The following CACNA2D3 variants were observed in gnomAD, a reference collection of about 807,000 sequenced individuals.
CACNA2D3 encodes voltage-dependent calcium channel subunit alpha-2/delta-3.
In CACNA2D3, 60 loss-of-function variants were observed where a neutral mutation model predicts 160.6. That is an observed-to-expected ratio of 0.37 (90% CI 0.30 to 0.46). CACNA2D3 has a LOEUF of 0.46. Among genes scored for constraint, CACNA2D3 ranks in the 20% least tolerant of loss-of-function variants. The pLI is 1.00. For missense variants in CACNA2D3, 1,205 were observed against 1,365.0 expected (o/e 0.88, Z 1.85); for synonymous variants, 558 against 492.9 (o/e 1.13, Z -1.75).
At chr3:54,607,182 G>A (rs1206239157) in intron 9 of CACNA2D3, among the ~76,000 whole-genome samples, 2 of 152,142 alleles carry the variant, frequency 1.3e-5, no homozygotes, top group East Asian at 1.9e-4. Context: ...CACTGTGCAA[G>A]GGAAGGACAT....
chr3:54,699,719 A>G (rs371222556), intron 11 of CACNA2D3, among the ~76,000 whole-genome samples: 18 of 152,270 alleles, frequency 1.2e-4, no homozygotes, highest in African/African-American at 4.1e-4. Context: ...TAACCACTCT[A>G]TGCCTCCGTT....
intron 27 of CACNA2D3, among the ~76,000 whole-genome samples, chr3:54,907,940 T>C (rs1700480950): frequency 6.6e-6 from 1 of 152,344 alleles, no homozygotes; most frequent in Admixed American, 6.5e-5. Flanking sequence ...TTCCCTTGTA[T>C]GGATAGACAA....
chr3:54,792,797 T>C (rs899582516), intron 13 of CACNA2D3, among the ~76,000 whole-genome samples: 1 of 152,128 alleles, frequency 6.6e-6, no homozygotes, highest in Non-Finnish European at 1.5e-5. Context: ...AGAGTTCTGA[T>C]TGGCCAGGCA....
chr3:55,067,101 C>CGGGGG (rs569501820), intron 35 of CACNA2D3, among the ~76,000 whole-genome samples: 2 of 150,430 alleles, frequency 1.3e-5, no homozygotes, highest in African/African-American at 4.9e-5. Flanking sequence ...TCTTTTGTAG[C>CGGGGG]GGGGGGGGCT....
intron 27 of CACNA2D3, among the ~76,000 whole-genome samples, chr3:54,944,226 C>T (rs1350897345): frequency 5.9e-5 from 9 of 151,942 alleles, no homozygotes; most frequent in Admixed American, 4.6e-4. Context: ...TGAGGACCTG[C>T]GAACTCTTTT....
intron 11 of CACNA2D3, among the ~76,000 whole-genome samples, chr3:54,713,319 G>C (rs1384787771): frequency 6.6e-6 from 1 of 152,166 alleles, no homozygotes; most frequent in African/African-American, 2.4e-5. Context: ...TTTGGAATTA[G>C]GTGATTCTCC....
chr3:54,251,449 GT>G (rs1559896366), intron 2 of CACNA2D3, among the ~76,000 whole-genome samples: 2 of 152,200 alleles, frequency 1.3e-5, no homozygotes, highest in Non-Finnish European at 2.9e-5. Flanking sequence ...AGATTATTTT[GT>G]TTTGAAGAAG....
chr3:54,875,711 C>T (rs1321272573), intron 18 of CACNA2D3: 1 of 152,222 alleles, frequency 6.6e-6, no homozygotes, highest in Non-Finnish European at 1.5e-5. Context: ...TGCTTCAGCA[C>T]TGCAGAAGAG....
chr3:54,223,178 T>C (rs1368602884), intron 2 of CACNA2D3, among the ~76,000 whole-genome samples: 1 of 152,206 alleles, frequency 6.6e-6, no homozygotes, highest in East Asian at 1.9e-4. Flanking sequence ...TGGGCATATG[T>C]TCTGAGAATT....
intron 2 of CACNA2D3, among the ~76,000 whole-genome samples, chr3:54,206,302 G>A (rs764205263): frequency 2.0e-5 from 3 of 152,144 alleles, no homozygotes; most frequent in Non-Finnish European, 2.9e-5. Context: ...ACTGAGAAAC[G>A]GTGGCTCTGT....
At chr3:54,229,194 AT>A (rs550039158) in intron 2 of CACNA2D3, among the ~76,000 whole-genome samples, 29,358 of 146,050 alleles carry the variant, frequency 0.2, 2,819 homozygotes, top group Middle Eastern at 0.29. Context: ...CAGCTAATTA[AT>A]TTTTTTTTTT....
chr3:54,902,854 T>G (rs1700369652), intron 27 of CACNA2D3, among the ~76,000 whole-genome samples: 1 of 152,176 alleles, frequency 6.6e-6, no homozygotes, highest in Non-Finnish European at 1.5e-5. Context: ...AATTCTTGGA[T>G]AAGAGAGAAG....
chr3:54,271,349 A>G (rs1448769088), intron 2 of CACNA2D3, among the ~76,000 whole-genome samples: 2 of 152,140 alleles, frequency 1.3e-5, no homozygotes, highest in Non-Finnish European at 2.9e-5. Context: ...CAGTCCTAGA[A>G]TCCTTTTGAC....
At chr3:54,763,557 C>T (rs576743863) in intron 12 of CACNA2D3, among the ~76,000 whole-genome samples, 22 of 150,458 alleles carry the variant, frequency 1.5e-4, no homozygotes, top group Admixed American at 1.1e-3. Flanking sequence ...TACAAAATAT[C>T]ATGTAGAAAG....
rs746939608 is a variant in CACNA2D3, at chr3:54,331,650, G to A, written c.321+11092G>A. 5.9e-5 allele frequency among the ~76,000 whole-genome samples: 9 copies of A among 152,188 alleles called. 1 individual carries two copies. The highest frequency in any genetic ancestry group is 4.1e-4 in the South Asian group (2 of 4,820). Reference sequence around the variant, plus strand: ...ATTTAAAAAATTCTTGGCTGGGTGCGGGGGAAAGACCATTCAAAGGATTTA... The same window carrying A: ...ATTTAAAAAATTCTTGGCTGGGTGCAGGGGAAAGACCATTCAAAGGATTTA... On this transcript the variant is annotated intron_variant, in intron 3 of 37. Coordinates refer to ENST00000474759, the MANE Select transcript of CACNA2D3 (RefSeq NM_018398.3).
intron 13 of CACNA2D3, among the ~76,000 whole-genome samples, chr3:54,778,773 T>C (rs977557149): frequency 6.6e-6 from 1 of 152,186 alleles, no homozygotes; most frequent in Non-Finnish European, 1.5e-5. Flanking sequence ...TGTGAAAATA[T>C]CTGCGTTTTC....
intron 11 of CACNA2D3, among the ~76,000 whole-genome samples, chr3:54,667,463 A>T (rs1266329499): frequency 6.6e-6 from 1 of 152,208 alleles, no homozygotes. Context: ...ATGGTTAGAT[A>T]AAGAGGTTTT....
intron 2 of CACNA2D3, among the ~76,000 whole-genome samples, chr3:54,190,560 A>G (rs1700960110): frequency 6.6e-6 from 1 of 152,220 alleles, no homozygotes; most frequent in African/African-American, 2.4e-5. Context: ...GAAATCTCTA[A>G]GCATGTCACT....
At chr3:54,291,328 G>T (rs935522921) in intron 2 of CACNA2D3, among the ~76,000 whole-genome samples, 2 of 152,086 alleles carry the variant, frequency 1.3e-5, no homozygotes, top group East Asian at 3.9e-4. Context: ...TCTCAGATAG[G>T]CAATTAAAAT....
Sources: allele counts gnomAD v4.1 joint callset (sites outside exome capture counted in the v4.1 genomes callset), GRCh38; gene constraint gnomAD v4.1.1; transcripts MANE v1.5; gene names NCBI Gene and HGNC (gene_info 2026-07-23, HGNC 2026-07-21).